MALRD1: variants seen among roughly 807,000 people sequenced by gnomAD.
MALRD1 encodes the protein MAM and LDL-receptor class A domain-containing protein 1.
In MALRD1, 247 loss-of-function variants were observed where a neutral mutation model predicts 242.1. That is an observed-to-expected ratio of 1.02 (90% CI 0.92 to 1.13). The LOEUF is 1.13. Ranked by LOEUF, MALRD1 falls within the 50% of genes most tolerant of loss-of-function variation. The pLI, the probability that MALRD1 is intolerant of heterozygous loss-of-function variation, is 0.00. For missense variants in MALRD1, 2,989 were observed against 2,533.1 expected (o/e 1.18, Z -3.86); for synonymous variants, 995 against 866.6 (o/e 1.15, Z -2.60).
intron 36 of MALRD1, among the ~76,000 whole-genome samples, chr10:19,661,151 A>T (rs1199357701): frequency 1.3e-5 from 2 of 152,138 alleles, no homozygotes; most frequent in African/African-American, 4.8e-5. Context: ...GCTGGAGAGG[A>T]TGTGGAGAAA....
In MALRD1 at chr10:19,132,203, G is replaced by A. The variant is rs1162892975; in HGVS notation, c.1111-1653G>A. 4.6e-5 allele frequency among the ~76,000 whole-genome samples: 7 copies of A among 152,146 alleles called. No homozygotes were observed. The South Asian group carries it at 1.4e-3, about 31-fold the overall frequency. On this transcript the variant is annotated intron_variant, in intron 8 of 39. Coordinates refer to ENST00000454679, the MANE Select transcript of MALRD1 (RefSeq NM_001142308.3). The stretch of plus-strand genomic sequence containing the variant: ...AATTATTTTCATAAAATGAAAACGG[G>A]GAAAGTGGTGAATGCAATTTGCCAA...
At chr10:19,390,921 T>C (rs1489212046) in intron 28 of MALRD1, among the ~76,000 whole-genome samples, 1 of 152,164 alleles carries the variant, frequency 6.6e-6, no homozygotes. Context: ...CTTACAAAAA[T>C]ATAGCACTTA....
chr10:19,399,419 T>A (rs1846731202), intron 28 of MALRD1, among the ~76,000 whole-genome samples: 1 of 152,208 alleles, frequency 6.6e-6, no homozygotes, highest in South Asian at 2.1e-4. Flanking sequence ...TTAATTAATT[T>A]TTAATGCATA....
intron 26 of MALRD1, among the ~76,000 whole-genome samples, chr10:19,376,908 T>G (rs888295497): frequency 6.6e-6 from 1 of 152,152 alleles, no homozygotes; most frequent in East Asian, 1.9e-4. Flanking sequence ...GTAAAAAGAC[T>G]GTTGCACTAA....
rs56931838 is a variant in MALRD1, at chr10:19,334,119, GTTTTTTTTTT to G, written c.3901+2551_3901+2560del. On this transcript the variant is annotated intron_variant, in intron 24 of 39. Coordinates refer to ENST00000454679, the MANE Select transcript of MALRD1 (RefSeq NM_001142308.3). Reference sequence around the variant, plus strand: ...GGTTGTCTGTTTACTCTGTTGGTAGGTTTTTTTTTTTTTTTTTTTTTTTCTGTGCAGAGCT... The same window carrying G: ...GGTTGTCTGTTTACTCTGTTGGTAGGTTTTTTTTTTTTTCTGTGCAGAGCT... 6.6e-4 allele frequency among the ~76,000 whole-genome samples: 44 copies of G among 66,780 alleles called. 1 individual carries two copies. The highest frequency in any genetic ancestry group is 1.7e-3 in the South Asian group (3 of 1,780). The allele number at this position is 66,780 out of a possible 152,430, so 43.8% of individuals were successfully genotyped here.
chr10:19,587,110 A>G (rs900585020), intron 33 of MALRD1, among the ~76,000 whole-genome samples: 2 of 152,096 alleles, frequency 1.3e-5, no homozygotes, highest in Non-Finnish European at 2.9e-5. Context: ...GCACCCACTG[A>G]CCTGCGTCCA....
At chr10:19,387,313 T>C (rs959379482) in intron 26 of MALRD1, among the ~76,000 whole-genome samples, 2 of 142,198 alleles carry the variant, frequency 1.4e-5, no homozygotes, top group Admixed American at 7.1e-5. Context: ...TTTTTTTTTT[T>C]AGCATTTGTG....
intron 34 of MALRD1, among the ~76,000 whole-genome samples, chr10:19,604,394 C>T (rs1838509239): frequency 1.3e-5 from 2 of 152,302 alleles, no homozygotes; most frequent in East Asian, 3.9e-4. Flanking sequence ...CACATTCCCT[C>T]TGCTCCAGCC....
At chr10:19,317,003 T>A (rs1842734236) in intron 21 of MALRD1, among the ~76,000 whole-genome samples, 1 of 151,418 alleles carries the variant, frequency 6.6e-6, no homozygotes, top group East Asian at 1.9e-4. Context: ...TGCATGCCTG[T>A]ACCAAAATAT....
At chr10:19,554,832 T>C in intron 32 of MALRD1, among the ~76,000 whole-genome samples, 1 of 152,164 alleles carries the variant, frequency 6.6e-6, no homozygotes, top group Admixed American at 6.6e-5. Flanking sequence ...GTTGATTCCA[T>C]TTCTTTGCTA....
intron 28 of MALRD1, among the ~76,000 whole-genome samples, chr10:19,432,308 G>GA (rs1450953417): frequency 6.6e-6 from 1 of 152,114 alleles, no homozygotes; most frequent in Non-Finnish European, 1.5e-5. Context: ...CACTGTTTAG[G>GA]AAAAACACCC....
chr10:19,356,060 G>C (rs1844624064), intron 26 of MALRD1, among the ~76,000 whole-genome samples: 1 of 151,294 alleles, frequency 6.6e-6, no homozygotes. Flanking sequence ...GGATGAATGA[G>C]CTCTAATGAG....
At chr10:19,516,984 C>G (rs192673926) in intron 31 of MALRD1, among the ~76,000 whole-genome samples, 35 of 152,274 alleles carry the variant, frequency 2.3e-4, no homozygotes, top group Middle Eastern at 3.4e-3. Flanking sequence ...ATGGCCATGA[C>G]AAGCACTTAA....
chr10:19,543,944 A>G (rs1835095210), intron 32 of MALRD1, among the ~76,000 whole-genome samples: 1 of 152,008 alleles, frequency 6.6e-6, no homozygotes, highest in Admixed American at 6.6e-5. Context: ...AAATCAATAT[A>G]TATCTTATCT....
chr10:19,317,133 T>C (rs1842738821), intron 21 of MALRD1, among the ~76,000 whole-genome samples: 1 of 151,722 alleles, frequency 6.6e-6, no homozygotes, highest in African/African-American at 2.4e-5. Flanking sequence ...GGGCCCCTGT[T>C]TCTAAATGCT....
chr10:19,113,637 T>TTTTC (rs756367762), intron 5 of MALRD1, among the ~76,000 whole-genome samples: 22 of 151,982 alleles, frequency 1.4e-4, no homozygotes, highest in East Asian at 5.8e-4. Flanking sequence ...TGTTCCTTCC[T>TTTTC]TTTCTTTCTT....
chr10:19,432,479 T>C (rs1209552524), intron 28 of MALRD1, among the ~76,000 whole-genome samples: 2 of 152,204 alleles, frequency 1.3e-5, no homozygotes, highest in Non-Finnish European at 2.9e-5. Flanking sequence ...TACAGTTCCA[T>C]GAAATGCCTT....
intron 18 of MALRD1, among the ~76,000 whole-genome samples, chr10:19,228,968 G>T (rs3814611): frequency 4.4e-5 from 6 of 136,710 alleles, no homozygotes; most frequent in East Asian, 2.2e-4. Context: ...AGGCCTGTAT[G>T]GGGAATGCAT....
chr10:19,368,917 G>A (rs370227130), intron 26 of MALRD1, among the ~76,000 whole-genome samples: 2 of 131,710 alleles, frequency 1.5e-5, no homozygotes, highest in Non-Finnish European at 3.3e-5. Context: ...GTGTGTGTGT[G>A]TGTGTATGTA....
Sources: gnomAD v4.1 joint callset for allele counts (sites outside exome capture counted in the v4.1 genomes callset) on GRCh38, gnomAD v4.1.1 for gene constraint, MANE v1.5 for transcripts, NCBI Gene and HGNC (gene_info 2026-07-23, HGNC 2026-07-21) for gene names.